The following ARHGAP10 variants were observed in gnomAD, a reference collection of about 807,000 sequenced individuals.
ARHGAP10 encodes the protein Rho GTPase activating protein 10.
Under a neutral mutation model 108.6 loss-of-function variants are expected in ARHGAP10, and 87 were observed. The observed-to-expected ratio is 0.80, with a 90% CI of 0.67 to 0.96. The LOEUF (loss-of-function observed/expected upper bound fraction) is 0.96, where lower values mean the gene tolerates loss of function less well. ARHGAP10 is among the 40% of genes least tolerant of loss of function. The pLI, the probability that ARHGAP10 is intolerant of heterozygous loss-of-function variation, is 0.00. For missense variants in ARHGAP10, 939 were observed against 954.5 expected (o/e 0.98, Z 0.21); for synonymous variants, 347 against 341.1 (o/e 1.02, Z -0.19).
chr4:147,753,340 ATTTTC>A (rs1049669673), intron 1 of ARHGAP10, among the ~76,000 whole-genome samples: 5 of 130,054 alleles, frequency 3.8e-5, no homozygotes, highest in African/African-American at 1.0e-4. Context: ...TCTGAAGTCA[ATTTTC>A]TTTTCTTTTC....
chr4:147,742,398 A>C (rs1373987310), intron 1 of ARHGAP10, among the ~76,000 whole-genome samples: 1 of 151,518 alleles, frequency 6.6e-6, no homozygotes, highest in Non-Finnish European at 1.5e-5. Flanking sequence ...TTATTATTAA[A>C]ATAACTATTT....
intron 19 of ARHGAP10, among the ~76,000 whole-genome samples, chr4:148,042,367 C>T (rs781339124): frequency 4.6e-5 from 7 of 152,302 alleles, no homozygotes; most frequent in Non-Finnish European, 1.0e-4. Flanking sequence ...ATTCATATGC[C>T]TTTACATTAG....
chr4:147,811,865 A>T (rs1375000427), intron 1 of ARHGAP10, among the ~76,000 whole-genome samples: 1 of 152,200 alleles, frequency 6.6e-6, no homozygotes, highest in East Asian at 1.9e-4. Flanking sequence ...CCACCTCCAA[A>T]TGTACCCCTT....
intron 13 of ARHGAP10, among the ~76,000 whole-genome samples, chr4:147,934,664 C>T (rs1050562609): frequency 3.9e-5 from 6 of 152,080 alleles, no homozygotes; most frequent in Admixed American, 2.0e-4. Flanking sequence ...TAGTGAGACC[C>T]GCTCTCTACA....
At chr4:147,956,701 G>C (rs1229366542) in intron 16 of ARHGAP10, among the ~76,000 whole-genome samples, 1 of 151,326 alleles carries the variant, frequency 6.6e-6, no homozygotes, top group Non-Finnish European at 1.5e-5. Flanking sequence ...AGAATCCTTT[G>C]AGAATTAGAG....
chr4:147,999,157 C>T, intron 18 of ARHGAP10, among the ~76,000 whole-genome samples: 1 of 152,298 alleles, frequency 6.6e-6, no homozygotes, highest in African/African-American at 2.4e-5. Context: ...ACGGGGCTTG[C>T]AACTTAGCTC....
At chr4:147,909,925 T>G (rs1464218276) in intron 12 of ARHGAP10, 148 bp downstream of exon 12, 6 of 734,150 alleles carry the variant, frequency 8.2e-6, no homozygotes, top group Non-Finnish European at 1.3e-5. Context: ...CTCTATTGCA[T>G]GTGTTCTGTT....
At chr4:147,816,099 T>C (rs139421900) in intron 1 of ARHGAP10, among the ~76,000 whole-genome samples, 170 of 152,254 alleles carry the variant, frequency 1.1e-3, no homozygotes, top group African/African-American at 3.6e-3. Context: ...AGTTGGAAAA[T>C]GAGTGGGCTA....
intron 1 of ARHGAP10, among the ~76,000 whole-genome samples, chr4:147,737,885 G>A (rs1728484007): frequency 6.6e-6 from 1 of 152,128 alleles, no homozygotes; most frequent in African/African-American, 2.4e-5. Context: ...GCTGAGCCAT[G>A]GTTATTTAGA....
chr4:147,834,493 A>T (rs1220914854), intron 3 of ARHGAP10, among the ~76,000 whole-genome samples: 1 of 152,152 alleles, frequency 6.6e-6, no homozygotes, highest in African/African-American at 2.4e-5. Context: ...AAAATTCATT[A>T]ACCCATTAAT....
chr4:147,869,047 A>G (rs1734690760), intron 7 of ARHGAP10, among the ~76,000 whole-genome samples: 1 of 152,232 alleles, frequency 6.6e-6, no homozygotes, highest in African/African-American at 2.4e-5. Flanking sequence ...AGGGCTGGCC[A>G]GAATGAGAAC....
At chr4:147,803,378 A>G (rs1365215047) in intron 1 of ARHGAP10, among the ~76,000 whole-genome samples, 1 of 152,220 alleles carries the variant, frequency 6.6e-6, no homozygotes, top group Non-Finnish European at 1.5e-5. Context: ...ATTTTGATAC[A>G]TGCATACAAT....
intron 18 of ARHGAP10, among the ~76,000 whole-genome samples, chr4:147,970,795 A>G (rs1739374587): frequency 6.6e-6 from 1 of 152,196 alleles, no homozygotes; most frequent in Non-Finnish European, 1.5e-5. Context: ...TTTACACATA[A>G]TAAAGATGTA....
chr4:147,793,321 T>TATATA (rs59470864), intron 1 of ARHGAP10, among the ~76,000 whole-genome samples: 29 of 25,078 alleles, frequency 1.2e-3, no homozygotes, highest in Admixed American at 3.0e-3. Context: ...TATATATATA[T>TATATA]TTTTTTTTTT....
intron 3 of ARHGAP10, among the ~76,000 whole-genome samples, chr4:147,832,797 T>C (rs541556574): frequency 1.3e-5 from 2 of 152,288 alleles, no homozygotes; most frequent in East Asian, 3.9e-4. Context: ...TTGTAAGACA[T>C]AATATTTTTC....
rs573004827 is a variant in ARHGAP10 at position 147,890,714 on chromosome 4, C to A, written c.1034+8782C>A. Among the ~76,000 whole-genome samples, 6 of 152,252 alleles carry A rather than the reference C, an allele frequency of 3.9e-5. No individual in the cohort carries two copies. The South Asian group carries it at 1.2e-3, about 32-fold the overall frequency. ...TGGTGGTGGGTGCCTATAATCCCAG[C>A]TACTCGGGAGGCTGAGGCAGGAGAA... On this transcript the variant is annotated intron_variant, in intron 10 of 22. Transcript: ENST00000336498.
In ARHGAP10 at chr4:148,032,916, CCTT is replaced by C. The variant is rs554810316; in HGVS notation, c.1867+9509_1867+9511del. 5.3e-5 allele frequency among the ~76,000 whole-genome samples: 8 copies of C among 152,252 alleles called. No homozygotes were observed. In the South Asian group the frequency reaches 1.5e-3, roughly 28 times the overall value. ...AAGATTCAGCAAGTCAAGTCCTCCACCTTCTTCTGCCTGCTTTATTCCAGCTGC... is the reference window on the plus strand; with the variant it reads ...AAGATTCAGCAAGTCAAGTCCTCCACCTTCTGCCTGCTTTATTCCAGCTGC... On this transcript the variant is annotated intron_variant, in intron 19 of 22. Transcript: ENST00000336498.
At chr4:148,022,026 C>T (rs1275610928) in intron 18 of ARHGAP10, among the ~76,000 whole-genome samples, 4 of 152,076 alleles carry the variant, frequency 2.6e-5, no homozygotes, top group Non-Finnish European at 5.9e-5. Context: ...ATTAAAACTC[C>T]AGCATTGTTG....
rs78401137 is a variant in ARHGAP10, at chr4:147,990,347, C to T, written c.1716+23508C>T. ...AACATTTTGACGAATGAATGTTAGC[C>T]AGAAAATGGCTAAACTAAGGGCTAA... On this transcript the variant is annotated intron_variant, in intron 18 of 22. Coordinates refer to ENST00000336498, the MANE Select transcript of ARHGAP10 (RefSeq NM_024605.4). 6.2e-3 allele frequency among the ~76,000 whole-genome samples: 951 copies of T among 152,276 alleles called. 35 individuals are homozygous for T. Among genetic ancestry groups the T allele is most frequent in the Admixed American group, 0.047 (725 of 15,298 alleles).
Sources: allele counts gnomAD v4.1 joint callset (sites outside exome capture counted in the v4.1 genomes callset), GRCh38; gene constraint gnomAD v4.1.1; transcripts MANE v1.5; gene names NCBI Gene and HGNC (gene_info 2026-07-23, HGNC 2026-07-21).